DMXL2: variants seen among roughly 807,000 people sequenced by gnomAD.
DMXL2 encodes dmX-like protein 2.
Under a neutral mutation model 331.1 loss-of-function variants are expected in DMXL2, and 103 were observed. The ratio of observed to expected loss-of-function variants is 0.31; its 90% CI spans 0.27 to 0.37. The LOEUF (loss-of-function observed/expected upper bound fraction) is 0.37, where lower values mean the gene tolerates loss of function less well. Ranked by LOEUF, DMXL2 falls within the 10% of genes least tolerant of loss-of-function variation. DMXL2 has a pLI of 1.00. For missense variants in DMXL2, 3,171 were observed against 3,642.9 expected (o/e 0.87, Z 3.33); for synonymous variants, 1,281 against 1,252.1 (o/e 1.02, Z -0.49).
chr15:51,506,045 T>C (rs1463303311), intron 16 of DMXL2, among the ~76,000 whole-genome samples: 1 of 152,224 alleles, frequency 6.6e-6, no homozygotes, highest in African/African-American at 2.4e-5. Flanking sequence ...ATGGCTGAAG[T>C]AATTTTTTAA....
intron 3 of DMXL2, among the ~76,000 whole-genome samples, chr15:51,565,463 T>C (rs983606114): frequency 2.0e-5 from 3 of 152,178 alleles, no homozygotes; most frequent in Non-Finnish European, 4.4e-5. Flanking sequence ...ATTCCTCACG[T>C]CTCCATCTGC....
chr15:51,542,271 C>A, intron 9 of DMXL2, 62 bp downstream of exon 9: 1 of 1,482,804 alleles, frequency 6.7e-7, no homozygotes, highest in South Asian at 1.2e-5. Context: ...AAAGTAGTTC[C>A]ACTTTTCTAT....
intron 2 of DMXL2, among the ~76,000 whole-genome samples, chr15:51,568,858 C>T (rs1214321353): frequency 2.6e-5 from 4 of 152,098 alleles, no homozygotes; most frequent in African/African-American, 9.7e-5. Flanking sequence ...CAGCTCCCAA[C>T]GAGATGGACA....
At chr15:51,488,248 T>C (rs1009720602) in intron 21 of DMXL2, 129 bp from the exon 22 acceptor site, 4 of 919,020 alleles carry the variant, frequency 4.4e-6, no homozygotes, top group Non-Finnish European at 6.2e-6. Context: ...GGACAGGCAT[T>C]TGTTATCAAG....
chr15:51,455,125 C>A (rs1341008160), intron 40 of DMXL2, 26 bp downstream of exon 40: 1 of 1,575,372 alleles, frequency 6.3e-7, no homozygotes, highest in South Asian at 1.1e-5. Context: ...TGTATATGCG[C>A]CCTGGGAACA....
chr15:51,460,132 A>G, intron 33 of DMXL2: 1 of 968,498 alleles, frequency 1.0e-6, no homozygotes, highest in Non-Finnish European at 1.2e-6. Context: ...CTAAGTAAAT[A>G]AATGTTTAAT....
At position 51,450,186 on chromosome 15, in the gene DMXL2, C is replaced by T. The variant is rs144627629; in HGVS notation, c.8910G>A (p.Leu2970=). ...FQAHDSAIKA[L]ALDPYEEYFT... is the part of the protein sequence containing the mutation. ...AATATTCCTCATAGGGATCCAAGGC[C>T]AGAGCCTTAATAGCTGAGTCATGGG... The change falls in exon 43 of 44, where the codon CTG becomes CTA. Residue 2970 remains leucine, a synonymous_variant. Coordinates refer to ENST00000560891, the MANE Select transcript of DMXL2 (RefSeq NM_001378457.1). 2.5e-5 allele frequency: 41 copies of T among 1,613,884 alleles called. No homozygotes were observed. The highest frequency in any genetic ancestry group is 3.4e-5 in the Non-Finnish European group (40 of 1,180,016).
At chr15:51,570,089 G>C (rs919156972) in intron 2 of DMXL2, among the ~76,000 whole-genome samples, 1 of 152,044 alleles carries the variant, frequency 6.6e-6, no homozygotes, top group Non-Finnish European at 1.5e-5. Context: ...AGCTTAGAGA[G>C]GAACATAAAT....
At chr15:51,546,905 C>T (rs373019134) in intron 7 of DMXL2, among the ~76,000 whole-genome samples, 31 of 152,206 alleles carry the variant, frequency 2.0e-4, no homozygotes, top group East Asian at 1.9e-3. Context: ...ACAGCTACTA[C>T]CAACAATTTC....
At chr15:51,568,860 A>C (rs1263807661) in intron 2 of DMXL2, among the ~76,000 whole-genome samples, 1 of 152,132 alleles carries the variant, frequency 6.6e-6, no homozygotes, top group Non-Finnish European at 1.5e-5. Flanking sequence ...GCTCCCAACG[A>C]GATGGACACA....
chr15:51,542,488 T>G lies in DMXL2; in HGVS notation c.950A>C (p.Asn317Thr), dbSNP rs1372965100. The stretch of plus-strand genomic sequence containing the variant: ...TGACCTCCTCTGTCCTTTCCTTAAA[T>G]TTTTCAAATGGTGTATTGTCTAAAA... Reference protein sequence around the residue: ...HALETIHHLKNLRKGQRRSSV... With the variant: ...HALETIHHLKTLRKGQRRSSV... The change falls in exon 9 of 44, where the codon AAT (asparagine) becomes ACT (threonine). Residue 317 changes from asparagine to threonine, a missense_variant. Transcript: ENST00000560891. 6.2e-7 allele frequency: 1 copy of G among 1,612,954 alleles called. No individual in the cohort carries two copies. The highest frequency in any genetic ancestry group is 1.7e-4 in the Middle Eastern group (1 of 6,060).
Position 51,466,220 on chromosome 15 carries a change from G to A in DMXL2, c.7484C>T (p.Thr2495Ile). 6.3e-7 allele frequency: 1 copy of A among 1,575,080 alleles called. No individual in the cohort carries two copies. The highest frequency in any genetic ancestry group is 8.6e-7 in the Non-Finnish European group (1 of 1,166,464). The part of the protein sequence containing the change: ...DEEDDAFFSD[T>I]QIQEHQDPNS... ...TGGATCTTGGTGCTCCTGTATTTGT[G>A]TATCTGAAAAAAAGGCATCATCTTC... The change falls in exon 30 of 44, where the codon ACA becomes ATA. Residue 2495 changes from threonine to isoleucine, a missense_variant. By Grantham distance (89) the Thr-to-Ile change is moderately conservative. This residue lies in a region of DMXL2 where 766 missense variants were observed against 940.5 expected (regional missense o/e 0.81). Transcript: ENST00000560891.
chr15:51,573,884 A>C (rs1437325351), intron 2 of DMXL2, among the ~76,000 whole-genome samples: 1 of 152,118 alleles, frequency 6.6e-6, no homozygotes, highest in Non-Finnish European at 1.5e-5. Flanking sequence ...CATATTTTTC[A>C]TAAGAATTTT....
chr15:51,521,049 G>T (rs1041894383), intron 13 of DMXL2, among the ~76,000 whole-genome samples: 1 of 151,916 alleles, frequency 6.6e-6, no homozygotes, highest in Non-Finnish European at 1.5e-5. Context: ...AAACATTCAC[G>T]TTTTTTATAC....
At chr15:51,508,540 A>ATC (rs2046553352) in intron 15 of DMXL2, among the ~76,000 whole-genome samples, 1 of 152,232 alleles carries the variant, frequency 6.6e-6, no homozygotes, top group Non-Finnish European at 1.5e-5. Context: ...AACTGACTGA[A>ATC]ATATCCTACA....
At chr15:51,497,360 G>C (rs868066148) in intron 18 of DMXL2, among the ~76,000 whole-genome samples, 2 of 152,196 alleles carry the variant, frequency 1.3e-5, no homozygotes, top group Non-Finnish European at 2.9e-5. Flanking sequence ...CAGGCTTTGA[G>C]TCAACAGTTT....
intron 3 of DMXL2, chr15:51,567,277 G>C (rs558469946): frequency 6.6e-6 from 1 of 152,084 alleles, no homozygotes; most frequent in Admixed American, 6.6e-5. Context: ...CCCTGACCTC[G>C]TGTTCCACCC....
chr15:51,465,326 C>T (rs539105986), intron 31 of DMXL2, among the ~76,000 whole-genome samples: 71 of 152,198 alleles, frequency 4.7e-4, no homozygotes, highest in Non-Finnish European at 7.4e-4. Context: ...GCCTACGAGG[C>T]GGAGTTTGCA....
intron 6 of DMXL2, among the ~76,000 whole-genome samples, chr15:51,558,485 G>A (rs1017493371): frequency 1.3e-5 from 2 of 152,112 alleles, no homozygotes; most frequent in Non-Finnish European, 2.9e-5. Context: ...GTCTCTAACA[G>A]AATCAAAGAT....
Sources: gnomAD v4.1 joint callset for allele counts (sites outside exome capture counted in the v4.1 genomes callset) on GRCh38, gnomAD v4.1.1 for gene constraint, gnomAD v4.1.1 regional missense constraint, MANE v1.5 for transcripts, NCBI Gene and HGNC (gene_info 2026-07-23, HGNC 2026-07-21) for gene names.